Variants in SLC38A6 observed in about 807,000 individuals in gnomAD.
SLC38A6 encodes the protein solute carrier family 38 member 6, also known as N system amino acid transporter NAT-1.
Under a neutral mutation model 65.0 loss-of-function variants are expected in SLC38A6, and 73 were observed. The observed-to-expected ratio is 1.12, with a 90% CI of 0.93 to 1.37. SLC38A6 has a LOEUF of 1.37. Among genes scored for constraint, SLC38A6 ranks in the 40% most tolerant of loss-of-function variants. The pLI is 0.00. For missense variants in SLC38A6, 561 were observed against 531.1 expected (o/e 1.06, Z -0.55); for synonymous variants, 183 against 178.8 (o/e 1.02, Z -0.19).
chr14:61,082,005 G>A (rs2043671824), intron 16 of SLC38A6, among the ~76,000 whole-genome samples: 1 of 152,158 alleles, frequency 6.6e-6, no homozygotes, highest in African/African-American at 2.4e-5. Context: ...GTGCACAGCA[G>A]TGCTGTAGTG....
chr14:61,003,574 T>G (rs757796371), intron 3 of SLC38A6, among the ~76,000 whole-genome samples: 8 of 152,228 alleles, frequency 5.3e-5, no homozygotes, highest in Non-Finnish European at 7.4e-5. Flanking sequence ...CAGTTTACAC[T>G]GTTTTCAGCA....
intron 3 of SLC38A6, among the ~76,000 whole-genome samples, chr14:60,990,512 T>A (rs904033138): frequency 6.6e-6 from 1 of 152,210 alleles, no homozygotes. Context: ...TGTTCCCATC[T>A]AAGTAAATGG....
chr14:60,992,767 A>G (rs2038001634), intron 3 of SLC38A6, among the ~76,000 whole-genome samples: 1 of 150,790 alleles, frequency 6.6e-6, no homozygotes, highest in Non-Finnish European at 1.5e-5. Context: ...CCAAACCGCA[A>G]CCTCCGCCTC....
chr14:60,981,688 G>A, intron 1 of SLC38A6: 1 of 1,367,914 alleles, frequency 7.3e-7, no homozygotes, highest in Non-Finnish European at 9.6e-7. Flanking sequence ...ACTCACTGCT[G>A]TTAGTTAGTA....
In SLC38A6 at chr14:61,011,103, C is replaced by G. The variant is rs371282749; in HGVS notation, c.311-4801C>G. 7.9e-5 allele frequency among the ~76,000 whole-genome samples: 12 copies of G among 152,188 alleles called. No individual in the cohort carries two copies. The East Asian group carries it at 9.6e-4, about 12-fold the overall frequency. On this transcript the variant is annotated intron_variant, in intron 3 of 15. Coordinates refer to ENST00000267488, the MANE Select transcript of SLC38A6 (RefSeq NM_153811.3). The stretch of plus-strand genomic sequence containing the variant: ...CTTGAAGAGGTCCTTCACATCCCTT[C>G]TAAGTTGGATTCCTAGGTATTTTAT...
chr14:61,074,700 TCCCTCCCTC>T (rs2043340811), intron 15 of SLC38A6, among the ~76,000 whole-genome samples: 2 of 114,162 alleles, frequency 1.8e-5, no homozygotes, highest in Admixed American at 8.9e-5. Context: ...CCTCCCTCCC[TCCCTCCCTC>T]CCTTCCTTCC....
intron 3 of SLC38A6, among the ~76,000 whole-genome samples, chr14:61,007,088 C>T (rs973068497): frequency 1.3e-5 from 2 of 152,056 alleles, no homozygotes; most frequent in Admixed American, 6.5e-5. Flanking sequence ...AAACCAAACA[C>T]CACATGTTCT....
At chr14:61,051,423 ATTTC>A (rs2042501572) in intron 13 of SLC38A6, among the ~76,000 whole-genome samples, 1 of 152,100 alleles carries the variant, frequency 6.6e-6, no homozygotes, top group African/African-American at 2.4e-5. Flanking sequence ...CCATGGCATG[ATTTC>A]TTTTTCTATT....
chr14:61,045,947 G>A, intron 11 of SLC38A6, 120 bp from the exon 12 acceptor site: 2 of 599,982 alleles, frequency 3.3e-6, no homozygotes, highest in South Asian at 2.3e-5. Flanking sequence ...GACTTCTAGT[G>A]TATAGTTATT....
chr14:60,988,635 C>T (rs553164968), intron 3 of SLC38A6, among the ~76,000 whole-genome samples: 8 of 152,284 alleles, frequency 5.3e-5, no homozygotes, highest in African/African-American at 1.9e-4. Flanking sequence ...TTCTAACTCA[C>T]CCTCTCAAGT....
chr14:61,061,158 A>G (rs2042825958), intron 15 of SLC38A6, among the ~76,000 whole-genome samples: 1 of 152,128 alleles, frequency 6.6e-6, no homozygotes, highest in African/African-American at 2.4e-5. Context: ...CAAGTGTTGA[A>G]TTTTATCAGA....
At chr14:61,024,486 G>T (rs975877273) in intron 5 of SLC38A6, among the ~76,000 whole-genome samples, 7 of 152,304 alleles carry the variant, frequency 4.6e-5, no homozygotes, top group African/African-American at 1.7e-4. Flanking sequence ...GATGTGTCTG[G>T]AAGTTTTAAC....
Position 61,051,923 on chromosome 14 carries a change from G to T in SLC38A6, c.1187G>T (p.Gly396Val). Residue 396 changes from glycine to valine, a missense_variant, in exon 14 of 16, where the codon GGT becomes GTT. Physicochemically the swap from Gly to Val is moderately radical, Grantham distance 109. Coordinates refer to ENST00000267488, the MANE Select transcript of SLC38A6 (RefSeq NM_153811.3). Reference sequence around the variant, plus strand: ...GTTCCTGACATTAGAAATGTATTTGGTGTAGTTGGTAAGTTTTCTGTTTCA... The same window carrying T: ...GTTCCTGACATTAGAAATGTATTTGTTGTAGTTGGTAAGTTTTCTGTTTCA... ...IYVPDIRNVF[G>V]VVGASTSTCL... 1 of 1,606,250 alleles carries T rather than the reference G, an allele frequency of 6.2e-7. No individual in the cohort carries two copies. The highest frequency in any genetic ancestry group is 8.5e-7 in the Non-Finnish European group (1 of 1,177,948).
At chr14:61,019,655 A>G (rs2040236206) in intron 5 of SLC38A6, 75 bp downstream of exon 5, 1 of 1,477,230 alleles carries the variant, frequency 6.8e-7, no homozygotes, top group Non-Finnish European at 9.4e-7. Flanking sequence ...ATCTTACTAC[A>G]GATCTAGCTG....
intron 3 of SLC38A6, among the ~76,000 whole-genome samples, chr14:61,003,458 A>C (rs1478621394): frequency 6.6e-6 from 1 of 152,148 alleles, no homozygotes; most frequent in Non-Finnish European, 1.5e-5. Flanking sequence ...GTATCTTTGC[A>C]TATAATGATT....
At chr14:60,985,156 T>C (rs1046103278) in intron 3 of SLC38A6, among the ~76,000 whole-genome samples, 2 of 152,222 alleles carry the variant, frequency 1.3e-5, no homozygotes, top group Non-Finnish European at 2.9e-5. Context: ...TTCTCAGAGC[T>C]ACTGTTGCCT....
chr14:61,038,791 A>C (rs572040064), intron 8 of SLC38A6, among the ~76,000 whole-genome samples: 4 of 152,324 alleles, frequency 2.6e-5, no homozygotes, highest in South Asian at 4.1e-4. Flanking sequence ...AACAGTGTTT[A>C]CATTTAATCA....
At chr14:61,051,161 G>T (rs542821055) in intron 13 of SLC38A6, among the ~76,000 whole-genome samples, 40 of 152,278 alleles carry the variant, frequency 2.6e-4, no homozygotes, top group Admixed American at 2.2e-3. Context: ...TGAGAAAAAG[G>T]GAACAAAGGC....
intron 8 of SLC38A6, among the ~76,000 whole-genome samples, chr14:61,041,767 C>G (rs2041830414): frequency 6.6e-6 from 1 of 152,046 alleles, no homozygotes; most frequent in Non-Finnish European, 1.5e-5. Context: ...GGTGTGATGG[C>G]CACACACCTG....
Sources: allele counts gnomAD v4.1 joint callset (sites outside exome capture counted in the v4.1 genomes callset), GRCh38; gene constraint gnomAD v4.1.1; transcripts MANE v1.5; gene names NCBI Gene and HGNC (gene_info 2026-07-23, HGNC 2026-07-21).